ANKRD35: variants seen among roughly 807,000 people sequenced by gnomAD.
The protein encoded by ANKRD35 is ankyrin repeat domain 35.
In ANKRD35, 102 loss-of-function variants were observed where a neutral mutation model predicts 109.9. The ratio of observed to expected loss-of-function variants is 0.93; its 90% CI spans 0.79 to 1.09. The LOEUF (loss-of-function observed/expected upper bound fraction) is 1.09. Ranked by LOEUF, ANKRD35 falls within the 50% of genes least tolerant of loss-of-function variation. The pLI is 0.00. For missense variants in ANKRD35, 1,240 were observed against 1,230.1 expected (o/e 1.01, Z -0.12); for synonymous variants, 515 against 512.4 (o/e 1.01, Z -0.07).
intron 3 of ANKRD35, 56 bp downstream of exon 3, chr1:145,878,335 C>T: frequency 6.6e-7 from 1 of 1,506,830 alleles, no homozygotes; most frequent in South Asian, 1.2e-5. Flanking sequence ...CCGCCCCCGA[C>T]TGCTGCTGTA....
chr1:145,874,910 C>T lies in ANKRD35; in HGVS notation c.657G>A (p.Gly219=). 6.2e-7 allele frequency: 1 copy of T among 1,613,852 alleles called. No individual in the cohort carries two copies. The highest frequency in any genetic ancestry group is 8.5e-7 in the Non-Finnish European group (1 of 1,179,884). The change falls in exon 8 of 14, where the codon GGG becomes GGA. Residue 219 remains glycine (G), a synonymous_variant. Coordinates refer to ENST00000355594, the MANE Select transcript of ANKRD35 (RefSeq NM_144698.5). ...GADAGAVDST[G]HDALHYALHT... Reference sequence around the variant, plus strand: ...GCAGAGCATAGTGCAGAGCATCATGCCCTGTGCTGTCCACAGCCCCCGCGT... The same window carrying T: ...GCAGAGCATAGTGCAGAGCATCATGTCCTGTGCTGTCCACAGCCCCCGCGT...
At chr1:145,877,041 C>T (rs587765918) in intron 4 of ANKRD35, among the ~76,000 whole-genome samples, 168 bp from the exon 5 acceptor site, 1 of 152,252 alleles carries the variant, frequency 6.6e-6, no homozygotes, top group East Asian at 1.9e-4. Flanking sequence ...TGATGATAGG[C>T]AGCCTTGAAT....
At chr1:145,885,678 C>A (rs782816002) in intron 1 of ANKRD35, 42 bp downstream of exon 1, 1 of 1,605,672 alleles carries the variant, frequency 6.2e-7, no homozygotes. Flanking sequence ...CACCACAGAG[C>A]TGGGATCCCA....
In ANKRD35 at chr1:145,874,984, C is replaced by G. The variant is rs782475622; in HGVS notation, c.583G>C (p.Glu195Gln). The G allele has an allele frequency of 1.2e-6, 2 of 1,610,582 alleles. No individual in the cohort carries two copies. The highest frequency in any genetic ancestry group is 2.2e-5 in the South Asian group (2 of 90,386). ...TCAGCCACCTCGGCACTGCCTTTCT[C>G]ACAGGCCAGGATCAAAGCCGATCTG... ...NDKSALILAC[E>Q]KGSAEVAELL... Residue 195 changes from glutamate (E) to glutamine (Q), a missense_variant, in exon 8 of 14, where the codon GAG becomes CAG. Transcript: ENST00000355594.
chr1:145,876,775 T>A (rs377189991), intron 5 of ANKRD35, 41 bp downstream of exon 5: 44 of 1,613,462 alleles, frequency 2.7e-5, no homozygotes, highest in Non-Finnish European at 3.6e-5. Flanking sequence ...TCCCACCCTG[T>A]AGTCTCTGCA....
intron 2 of ANKRD35, 79 bp from the exon 3 acceptor site, chr1:145,878,558 TGCTATGCTC>T (rs1559176747): frequency 7.4e-7 from 1 of 1,344,972 alleles, no homozygotes; most frequent in Non-Finnish European, 1.0e-6. Flanking sequence ...AAGCCCTTCT[TGCTATGCTC>T]CCTACCCCAA....
intron 1 of ANKRD35, among the ~76,000 whole-genome samples, chr1:145,883,151 C>A (rs942660945): frequency 1.4e-5 from 2 of 141,390 alleles, no homozygotes; most frequent in African/African-American, 5.2e-5. Flanking sequence ...ATGGCACCAT[C>A]TCGGCTCACT....
intron 4 of ANKRD35, among the ~76,000 whole-genome samples, chr1:145,877,095 G>A (rs1553740268): frequency 3.9e-5 from 6 of 152,122 alleles, no homozygotes; most frequent in Admixed American, 2.6e-4. Flanking sequence ...AAAATCAGAT[G>A]GTAATAAACG....
At position 145,883,790 on chromosome 1, in the gene ANKRD35, G is replaced by T. The variant is rs587614646; in HGVS notation, c.39+1930C>A. On this transcript the variant is annotated intron_variant, in intron 1 of 13. Coordinates refer to ENST00000355594, the MANE Select transcript of ANKRD35 (RefSeq NM_144698.5). ...GGAGGAATTTATCATGAGAAGTGTG[G>T]GGAAATTTCATGAGGAACCAATCTG... 7.9e-5 allele frequency among the ~76,000 whole-genome samples: 12 copies of T among 152,290 alleles called. 1 individual carries two copies. In the South Asian group the frequency reaches 2.3e-3, roughly 29 times the overall value.
In ANKRD35 at chr1:145,872,804, C is replaced by T; in HGVS notation, c.1965G>A (p.Glu655=). The T allele has an allele frequency of 1.2e-6, 2 of 1,613,938 alleles. No individual in the cohort carries two copies. Among genetic ancestry groups the T allele is most frequent in the Non-Finnish European group, 1.7e-6 (2 of 1,179,930 alleles). The change falls in exon 10 of 14, where the codon GAG becomes GAA. Residue 655 remains glutamate, a synonymous_variant. Transcript: ENST00000355594. ...LQSLSQRLQR[E]FVPKPQAQVQ... is the part of the protein sequence containing the mutation. The stretch of plus-strand genomic sequence containing the variant: ...CCTGCGCCTGTGGCTTGGGCACAAA[C>T]TCCCGCTGCAGCCGCTGGCTCAGGG...
chr1:145,880,417 G>A (rs1186251394), intron 1 of ANKRD35, among the ~76,000 whole-genome samples: 3 of 152,064 alleles, frequency 2.0e-5, no homozygotes, highest in African/African-American at 7.2e-5. Context: ...CTACATTCTC[G>A]GCTATGTGAC....
At chr1:145,876,012 A>G in intron 7 of ANKRD35, 128 bp downstream of exon 7, 1 of 780,010 alleles carries the variant, frequency 1.3e-6, no homozygotes, top group African/African-American at 1.7e-5. Context: ...TGAGGTTCCC[A>G]AGAACACAAA....
intron 1 of ANKRD35, among the ~76,000 whole-genome samples, chr1:145,885,409 A>C: frequency 6.6e-6 from 1 of 152,138 alleles, no homozygotes; most frequent in East Asian, 1.9e-4. Context: ...ACGGAGCAGA[A>C]GTAGGGTCAG....
At chr1:145,867,440 G>C (rs371664925) in intron 12 of ANKRD35, 48 bp from the exon 13 acceptor site, 1 of 1,524,998 alleles carries the variant, frequency 6.6e-7, no homozygotes, top group African/African-American at 1.4e-5. Flanking sequence ...ACAGAAAATG[G>C]AGAGAGAGAG....
At chr1:145,884,449 T>C (rs1553741574) in intron 1 of ANKRD35, among the ~76,000 whole-genome samples, 1 of 152,222 alleles carries the variant, frequency 6.6e-6, no homozygotes, top group Non-Finnish European at 1.5e-5. Flanking sequence ...TATTTTCTTA[T>C]GAACGATACT....
rs587744690 is a variant in ANKRD35 at position 145,883,154 on chromosome 1, G to A, written c.39+2566C>T. On this transcript the variant is annotated intron_variant, in intron 1 of 13. Transcript: ENST00000355594. ...GGCTGGAGTGCGATGGCACCATCTC[G>A]GCTCACTGCAACCTCCGCCTCCCGG... is the stretch of plus-strand genomic sequence containing the variant. Among the ~76,000 whole-genome samples, 20 of 146,358 alleles carry A rather than the reference G, an allele frequency of 1.4e-4. No homozygotes were observed. The South Asian group carries it at 3.9e-3, about 28-fold the overall frequency.
intron 1 of ANKRD35, among the ~76,000 whole-genome samples, chr1:145,883,661 G>C (rs781925372): frequency 7.1e-4 from 108 of 152,236 alleles, no homozygotes; most frequent in Non-Finnish European, 4.7e-4. Context: ...GGTAGAGGCA[G>C]TCTTCCAGTG....
intron 10 of ANKRD35, among the ~76,000 whole-genome samples, chr1:145,870,301 C>T (rs1241017099): frequency 5.3e-5 from 8 of 151,778 alleles, no homozygotes; most frequent in Non-Finnish European, 8.8e-5. Context: ...ACCGTGTTAG[C>T]CAGGATGGTC....
At chr1:145,876,370 A>G (rs975900710) in intron 6 of ANKRD35, 124 bp from the exon 7 acceptor site, 24 of 1,144,122 alleles carry the variant, frequency 2.1e-5, no homozygotes, top group Admixed American at 1.1e-4. Context: ...GGGTCTGAAC[A>G]CTCCCTTTTG....
Sources: allele counts gnomAD v4.1 joint callset (sites outside exome capture counted in the v4.1 genomes callset), GRCh38; gene constraint gnomAD v4.1.1; transcripts MANE v1.5; gene names NCBI Gene and HGNC (gene_info 2026-07-23, HGNC 2026-07-21).